Variants in EDARADD observed in about 807,000 individuals in gnomAD.
EDARADD encodes ectodysplasin-A receptor-associated adapter protein.
In EDARADD, 20 loss-of-function variants were observed where a neutral mutation model predicts 25.6. The ratio of observed to expected loss-of-function variants is 0.78; its 90% CI spans 0.55 to 1.14. The LOEUF is 1.14. Among genes scored for constraint, EDARADD ranks in the 50% most tolerant of loss-of-function variants. EDARADD has a pLI of 0.00. For missense variants in EDARADD, 225 were observed against 270.1 expected (o/e 0.83, Z 1.17); for synonymous variants, 86 against 94.4 (o/e 0.91, Z 0.52).
chr1:236,429,204 G>GCGGGAA (rs1475191209), intron 4 of EDARADD, among the ~76,000 whole-genome samples: 1 of 145,424 alleles, frequency 6.9e-6, no homozygotes, highest in Non-Finnish European at 1.5e-5. Flanking sequence ...GGGAGCGGGA[G>GCGGGAA]CGGGAGAGGG....
rs780419146 is a variant in EDARADD, at chr1:236,483,071, C to T, written c.*422C>T. ...CTGATCAGTGCCATTCCCACGGTTT[C>T]AAAGAAAACAGCTACAAGGAATGCT... On this transcript the variant is annotated 3_prime_UTR_variant, in exon 6 of 6. Transcript: ENST00000334232. 16 of 852,816 alleles carry T rather than the reference C, an allele frequency of 1.9e-5. No individual in the cohort carries two copies. Among genetic ancestry groups the T allele is most frequent in the Non-Finnish European group, 2.8e-5 (15 of 534,414 alleles). The allele number at this position is 852,816 out of a possible 1,614,324, so 52.8% of individuals were successfully genotyped here. A position where few individuals can be genotyped will look rare whatever the true frequency, so the allele number is the denominator to read the frequency against.
At chr1:236,402,001 G>A (rs980645876) in intron 1 of EDARADD, among the ~76,000 whole-genome samples, 1 of 152,106 alleles carries the variant, frequency 6.6e-6, no homozygotes, top group Non-Finnish European at 1.5e-5. Context: ...CGCTCTTGTT[G>A]CCCAGGCTGG....
intron 4 of EDARADD, among the ~76,000 whole-genome samples, chr1:236,458,156 C>A (rs1658927214): frequency 6.6e-6 from 1 of 152,212 alleles, no homozygotes; most frequent in Non-Finnish European, 1.5e-5. Context: ...ATTCACACTC[C>A]TGTCTAGCAA....
At chr1:236,379,151 C>T (rs754537924) in intron 3 of EDARADD, among the ~76,000 whole-genome samples, 18 of 152,114 alleles carry the variant, frequency 1.2e-4, no homozygotes, top group African/African-American at 1.4e-4. Context: ...GGGAGGATCA[C>T]CTGAGGTCAG....
intron 4 of EDARADD, among the ~76,000 whole-genome samples, chr1:236,440,631 T>TG (rs921794841): frequency 1.3e-5 from 2 of 152,192 alleles, no homozygotes; most frequent in African/African-American, 4.8e-5. Context: ...AAGCGACTCT[T>TG]GCTGCCATTT....
Position 236,468,669 on chromosome 1 carries a change from A to G in EDARADD, c.265+393A>G, listed in dbSNP as rs76110855. On this transcript the variant is annotated intron_variant, in intron 5 of 5. Transcript: ENST00000334232. ...ATAATTTGAGACTATGTTTATCATT[A>G]ACTTTAAAATCTGTACTGCAGAATA... Among the ~76,000 whole-genome samples, 144 of 152,336 alleles carry G rather than the reference A, an allele frequency of 9.5e-4. 1 individual carries two copies. The East Asian group carries it at 0.027, about 29-fold the overall frequency.
chr1:236,411,317 G>C (rs1657473320), intron 2 of EDARADD, among the ~76,000 whole-genome samples: 1 of 152,122 alleles, frequency 6.6e-6, no homozygotes, highest in Non-Finnish European at 1.5e-5. Context: ...TGAAATCAAG[G>C]TGTCCTCAGG....
At chr1:236,405,805 T>TTCCC (rs1558112571) in intron 1 of EDARADD, among the ~76,000 whole-genome samples, 1 of 139,396 alleles carries the variant, frequency 7.2e-6, no homozygotes, top group African/African-American at 2.7e-5. Context: ...TTTTTCTTTC[T>TTCCC]TTCTTTCCTT....
Position 236,380,064 on chromosome 1 carries a change from G to C in EDARADD, c.-5-29152G>C, listed in dbSNP as rs189108490. On this transcript the variant is annotated intron_variant, in intron 3 of 7. Coordinates refer to the EDARADD transcript ENST00000439430. ...GAGCTGCTGTTTGCCTTTGGTGCCC[G>C]TACCTGCCTCTCAGTGTACTTCCAT... Among the ~76,000 whole-genome samples, 27 of 152,262 alleles carry C rather than the reference G, an allele frequency of 1.8e-4. 1 individual carries two copies. Among genetic ancestry groups the C allele is most frequent in the African/African-American group, 6.3e-4 (26 of 41,560 alleles).
At chr1:236,402,111 A>G (rs1667624265) in intron 1 of EDARADD, among the ~76,000 whole-genome samples, 1 of 152,120 alleles carries the variant, frequency 6.6e-6, no homozygotes, top group African/African-American at 2.4e-5. Flanking sequence ...ACAGGCATCC[A>G]TCACCGTGCC....
chr1:236,451,465 C>G (rs1169366403), intron 4 of EDARADD, among the ~76,000 whole-genome samples: 2 of 152,044 alleles, frequency 1.3e-5, no homozygotes, highest in Non-Finnish European at 2.9e-5. Flanking sequence ...CTATGTTGCC[C>G]AGGCTGGAAT....
intron 3 of EDARADD, among the ~76,000 whole-genome samples, chr1:236,424,188 C>T (rs999713704): frequency 6.4e-5 from 7 of 108,894 alleles, no homozygotes; most frequent in Admixed American, 1.4e-4. Context: ...TGGAACAGGA[C>T]GTTGCTCTGT....
Position 236,395,581 on chromosome 1 carries a change from G to A in EDARADD, c.61+1076G>A, listed in dbSNP as rs1284987668. On this transcript the variant is annotated intron_variant, in intron 1 of 5. Coordinates refer to ENST00000334232, the MANE Select transcript of EDARADD (RefSeq NM_145861.4). The surrounding 1 kb of genome is among the most constrained non-coding windows in gnomAD (Gnocchi z 6.9). ...GGTCCCACGGTCCTCCCGCGCCCCG[G>A]AGGCCTGCCAGCCCCGCTCGGACGC... The A allele has an allele frequency of 6.5e-7, 1 of 1,546,138 alleles. No individual in the cohort carries two copies. Among genetic ancestry groups the A allele is most frequent in the Admixed American group, 1.9e-5 (1 of 51,486 alleles).
At position 236,385,130 on chromosome 1, in the gene EDARADD, C is replaced by T. The variant is rs1247803207; in HGVS notation, c.-5-24086C>T. ...TTGCCTTAAGAAAGCTCTTCCTGGC[C>T]GGGCGCGGTAGCTCACGCCTGTAAT... is the stretch of plus-strand genomic sequence containing the variant. On this transcript the variant is annotated intron_variant, in intron 3 of 7. Coordinates refer to the EDARADD transcript ENST00000439430. 6.8e-4 allele frequency among the ~76,000 whole-genome samples: 97 copies of T among 141,678 alleles called. 1 individual carries two copies. The highest frequency in any genetic ancestry group is 2.3e-3 in the African/African-American group (83 of 36,012). 92.9% of individuals were successfully genotyped at this position (141,678 alleles called of 152,430 possible).
chr1:236,452,332 G>T (rs1478750912), intron 4 of EDARADD, among the ~76,000 whole-genome samples: 1 of 152,158 alleles, frequency 6.6e-6, no homozygotes, highest in African/African-American at 2.4e-5. Flanking sequence ...ATATGGTGTG[G>T]CTCTGTGTCC....
intron 3 of EDARADD, among the ~76,000 whole-genome samples, chr1:236,377,870 A>G (rs986779994): frequency 1.3e-5 from 2 of 151,994 alleles, no homozygotes; most frequent in African/African-American, 4.8e-5. Context: ...AAAAACAAAA[A>G]CAGAAAACAA....
chr1:236,381,801 CTTTTTTTTT>C (rs71559949), intron 3 of EDARADD, among the ~76,000 whole-genome samples: 6 of 42,072 alleles, frequency 1.4e-4, no homozygotes, highest in Admixed American at 4.8e-4. Flanking sequence ...CCTGTGGTTG[CTTTTTTTTT>C]TTTTTTTTTT....
chr1:236,428,179 G>C (rs1349032546), intron 4 of EDARADD, among the ~76,000 whole-genome samples: 2 of 152,040 alleles, frequency 1.3e-5, no homozygotes, highest in East Asian at 3.9e-4. Flanking sequence ...TGACTCTTAA[G>C]GAGCATGCTG....
chr1:236,449,421 G>A (rs765422390), intron 4 of EDARADD, among the ~76,000 whole-genome samples: 8 of 152,186 alleles, frequency 5.3e-5, no homozygotes, highest in Admixed American at 2.6e-4. Context: ...CTTAGTAGAC[G>A]TTTATTAAAT....
Sources: gnomAD v4.1 joint callset for allele counts (sites outside exome capture counted in the v4.1 genomes callset) on GRCh38, gnomAD v4.1.1 for gene constraint, Gnocchi (gnomAD v3.1) non-coding constraint, MANE v1.5 for transcripts, NCBI Gene and HGNC (gene_info 2026-07-23, HGNC 2026-07-21) for gene names.